STOX2: variants seen among roughly 807,000 people sequenced by gnomAD.
The protein encoded by STOX2 is storkhead-box protein 2.
STOX2 carries 28 observed loss-of-function variants against 60.9 expected under a neutral mutation model. The observed-to-expected ratio is 0.46, with a 90% CI of 0.34 to 0.63. The LOEUF (loss-of-function observed/expected upper bound fraction) is 0.63. STOX2 is among the 30% of genes least tolerant of loss of function. The probability of loss-of-function intolerance (pLI) is 0.01; values close to 1 mark genes in which losing one functional copy is unlikely to be tolerated. For synonymous variants in STOX2, 472 were observed against 463.9 expected (o/e 1.02, Z -0.22); for missense variants, 1,024 against 1,187.7 (o/e 0.86, Z 2.03).
At chr4:183,811,672 G>T (rs532745680) in intron 1 of STOX2, among the ~76,000 whole-genome samples, 5 of 152,222 alleles carry the variant, frequency 3.3e-5, no homozygotes, top group Non-Finnish European at 5.9e-5. Context: ...CATGGAAATT[G>T]TTGATGGTGT....
intron 1 of STOX2, among the ~76,000 whole-genome samples, chr4:183,847,828 T>C (rs1405979994): frequency 1.3e-5 from 2 of 152,234 alleles, no homozygotes; most frequent in Non-Finnish European, 2.9e-5. Context: ...AACAGGCCCT[T>C]GGAATTCCCT....
At chr4:183,931,296 C>T (rs562212044) in intron 1 of STOX2, among the ~76,000 whole-genome samples, 18 of 152,124 alleles carry the variant, frequency 1.2e-4, no homozygotes, top group African/African-American at 3.4e-4. Context: ...TGGTGGCATG[C>T]GCCTGTAGTC....
At chr4:183,885,774 C>T (rs1293622468) in intron 1 of STOX2, among the ~76,000 whole-genome samples, 2 of 152,180 alleles carry the variant, frequency 1.3e-5, no homozygotes, top group Non-Finnish European at 2.9e-5. Context: ...TTTAAAAGTT[C>T]ATTGATGATA....
intron 1 of STOX2, among the ~76,000 whole-genome samples, chr4:183,845,864 C>CT (rs1180055523): frequency 4.6e-5 from 7 of 152,174 alleles, no homozygotes. Flanking sequence ...TTAATACTGA[C>CT]TTTTATATGT....
rs961287158 is a variant in STOX2, at chr4:184,022,830, A to G, written c.*5546A>G. ...ATACTGACACACCGCCACGGTTTCC[A>G]CATTGGAAGGGCAGAACACTGTGCA... is the stretch of plus-strand genomic sequence containing the variant. On this transcript the variant is annotated 3_prime_UTR_variant, in exon 4 of 4. Coordinates refer to ENST00000308497, the MANE Select transcript of STOX2 (RefSeq NM_020225.3). The G allele has an allele frequency of 3.3e-5, 5 of 152,046 alleles. No individual in the cohort carries two copies. Among genetic ancestry groups the G allele is most frequent in the African/African-American group, 9.7e-5 (4 of 41,370 alleles). The allele number at this position is 152,046 out of a possible 1,614,324, so 9.4% of individuals were successfully genotyped here. A position where few individuals can be genotyped will look rare whatever the true frequency, so the allele number is the denominator to read the frequency against.
chr4:183,959,672 C>T (rs1743357034), intron 1 of STOX2, among the ~76,000 whole-genome samples: 1 of 152,222 alleles, frequency 6.6e-6, no homozygotes, highest in Non-Finnish European at 1.5e-5. Flanking sequence ...TGTTTTACAT[C>T]AGAATCATGT....
Position 183,833,524 on chromosome 4 carries a change from C to G in STOX2, c.364+35469C>G, listed in dbSNP as rs141601660. On this transcript the variant is annotated intron_variant, in intron 1 of 2. Coordinates refer to the STOX2 transcript ENST00000513034. Reference sequence around the variant, plus strand: ...CATTCTGAAAAAATCCAAATGCAAACAGTGGTATGTCAGAAGAAATGGTTT... The same window carrying G: ...CATTCTGAAAAAATCCAAATGCAAAGAGTGGTATGTCAGAAGAAATGGTTT... 2.6e-5 allele frequency among the ~76,000 whole-genome samples: 4 copies of G among 152,096 alleles called. No homozygotes were observed. The East Asian group carries it at 7.7e-4, about 29-fold the overall frequency.
At chr4:183,883,322 A>G (rs12499843) in intron 1 of STOX2, among the ~76,000 whole-genome samples, 2 of 148,238 alleles carry the variant, frequency 1.3e-5, no homozygotes, top group East Asian at 4.0e-4. Context: ...CATGTTATAA[A>G]TTTTTTTTTT....
At chr4:184,007,045 A>AAAAAAAAAAAAAC (rs1553987519) in intron 2 of STOX2, among the ~76,000 whole-genome samples, 6 of 118,472 alleles carry the variant, frequency 5.1e-5, no homozygotes, top group African/African-American at 1.6e-4. Context: ...AAACAAAAAA[A>AAAAAAAAAAAAAC]AAATTTTGTT....
rs957944897 is a variant in STOX2 at position 183,855,029 on chromosome 4, A to G, written c.364+56974A>G. 2.0e-5 allele frequency among the ~76,000 whole-genome samples: 3 copies of G among 152,226 alleles called. No homozygotes were observed. The East Asian group carries it at 5.8e-4, about 29-fold the overall frequency. On this transcript the variant is annotated intron_variant, in intron 1 of 2. Coordinates refer to the STOX2 transcript ENST00000513034. The stretch of plus-strand genomic sequence containing the variant: ...CTGAAATATTAATGTTTAAGCAAGA[A>G]ACTCTTCACCCCAATATTTTTCTTT...
chr4:183,954,405 C>T (rs761981828), intron 1 of STOX2, among the ~76,000 whole-genome samples: 5 of 152,014 alleles, frequency 3.3e-5, no homozygotes, highest in Non-Finnish European at 7.4e-5. Context: ...TCTCTTGCCT[C>T]GGACTCCTGA....
At chr4:183,999,514 A>G (rs1442261977) in intron 1 of STOX2, among the ~76,000 whole-genome samples, 2 of 151,922 alleles carry the variant, frequency 1.3e-5, no homozygotes, top group Non-Finnish European at 2.9e-5. Flanking sequence ...TATCCTCCTC[A>G]TATCCATCTT....
At chr4:183,989,800 CA>C (rs1268519531) in intron 1 of STOX2, among the ~76,000 whole-genome samples, 1 of 152,154 alleles carries the variant, frequency 6.6e-6, no homozygotes. Context: ...TTTTGGTCCT[CA>C]AAAGTACATT....
rs142477548 is a variant in STOX2, at chr4:183,970,376, G to A, written c.167-30949G>A. 8.1e-3 allele frequency among the ~76,000 whole-genome samples: 1,240 copies of A among 152,234 alleles called. 18 individuals are homozygous for A. The highest frequency in any genetic ancestry group is 0.028 in the African/African-American group (1,152 of 41,520). On this transcript the variant is annotated intron_variant, in intron 1 of 3. Transcript: ENST00000308497. The stretch of plus-strand genomic sequence containing the variant: ...AGTCTAAATGATTGCCCAGCCACAA[G>A]CTGGACAGTGAACACTGTTTTCTCA...
intron 1 of STOX2, among the ~76,000 whole-genome samples, chr4:183,900,143 G>GA (rs1344710791): frequency 3.9e-5 from 6 of 152,054 alleles, no homozygotes; most frequent in Non-Finnish European, 7.4e-5. Flanking sequence ...CTGCTGCTCA[G>GA]AAAAAAAGAT....
rs777006213 is a variant in STOX2, at chr4:184,010,249, C to T, written c.1411C>T (p.His471Tyr). ...CTCCCACTCAAAAGTGCACCGAAGC[C>T]ACAGCCATACACAGGACCGGAGGTC... ...GSSHSKVHRS[H>Y]SHTQDRRSRN... is the part of the protein sequence containing the mutation. Residue 471 changes from histidine to tyrosine, a missense_variant, in exon 3 of 4, where the codon CAC becomes TAC. This residue lies in a region of STOX2 where 922 missense variants were observed against 1,058.3 expected (regional missense o/e 0.87). Coordinates refer to ENST00000308497, the MANE Select transcript of STOX2 (RefSeq NM_020225.3). This position sits in a 1 kb window ranked among gnomAD's most constrained non-coding sequence, Gnocchi z 4.5. The T allele has an allele frequency of 6.4e-7, 1 of 1,565,848 alleles. No individual in the cohort carries two copies. Among genetic ancestry groups the T allele is most frequent in the East Asian group, 2.4e-5 (1 of 41,776 alleles).
intron 1 of STOX2, among the ~76,000 whole-genome samples, chr4:183,927,386 A>G (rs1742271765): frequency 1.3e-5 from 2 of 152,258 alleles, no homozygotes; most frequent in Non-Finnish European, 2.9e-5. Context: ...TCTTTGATTT[A>G]ATGTTATGTG....
chr4:183,984,764 A>C (rs1579505121), intron 1 of STOX2, among the ~76,000 whole-genome samples: 1 of 152,152 alleles, frequency 6.6e-6, no homozygotes, highest in Non-Finnish European at 1.5e-5. Flanking sequence ...CACTTCATCA[A>C]CTGAGCAAAT....
chr4:183,968,662 C>T (rs567106996), intron 1 of STOX2, among the ~76,000 whole-genome samples: 24 of 152,088 alleles, frequency 1.6e-4, no homozygotes, highest in Non-Finnish European at 3.2e-4. Flanking sequence ...ACCCTTTTTC[C>T]GGACCACTTT....
Sources: gnomAD v4.1 joint callset for allele counts (sites outside exome capture counted in the v4.1 genomes callset) on GRCh38, gnomAD v4.1.1 for gene constraint, gnomAD v4.1.1 regional missense constraint, Gnocchi (gnomAD v3.1) non-coding constraint, MANE v1.5 for transcripts, NCBI Gene and HGNC (gene_info 2026-07-23, HGNC 2026-07-21) for gene names.